Variants in LINGO2 observed in about 807,000 individuals in gnomAD.
The protein encoded by LINGO2 is leucine-rich repeat and immunoglobulin-like domain-containing nogo receptor-interacting protein 2.
LINGO2 carries 14 observed loss-of-function variants against 30.6 expected under a neutral mutation model. The observed-to-expected ratio is 0.46, with a 90% CI of 0.30 to 0.72. LINGO2 has a LOEUF of 0.72. Among genes scored for constraint, LINGO2 ranks in the 30% least tolerant of loss-of-function variants. The probability of loss-of-function intolerance (pLI) is 0.07; values close to 1 mark genes in which losing one functional copy is unlikely to be tolerated. For missense variants in LINGO2, 729 were observed against 751.7 expected (o/e 0.97, Z 0.35); for synonymous variants, 317 against 288.5 (o/e 1.10, Z -1.00).
At chr9:28,330,172 A>G (rs1272849978) in intron 3 of LINGO2, among the ~76,000 whole-genome samples, 1 of 152,176 alleles carries the variant, frequency 6.6e-6, no homozygotes. Context: ...GTGAATACAC[A>G]GTGAGATGGT....
At chr9:28,555,434 A>G (rs918885986) in intron 1 of LINGO2, among the ~76,000 whole-genome samples, 2 of 151,470 alleles carry the variant, frequency 1.3e-5, no homozygotes, top group African/African-American at 2.4e-5. Context: ...ACACTCTCCC[A>G]AGACTAAACC....
chr9:28,601,872 G>C (rs1825491493), intron 1 of LINGO2, among the ~76,000 whole-genome samples: 1 of 151,964 alleles, frequency 6.6e-6, no homozygotes, highest in Non-Finnish European at 1.5e-5. Context: ...GTTATATAAA[G>C]CTAGTGAAAA....
chr9:28,928,373 T>C, the LINGO2 span, among the ~76,000 whole-genome samples: 1 of 152,224 alleles, frequency 6.6e-6, no homozygotes. Context: ...ATTTCATTTT[T>C]GGTCTAAAAG....
At chr9:28,825,188 C>A in the LINGO2 span, among the ~76,000 whole-genome samples, 1 of 151,998 alleles carries the variant, frequency 6.6e-6, no homozygotes, top group Non-Finnish European at 1.5e-5. Flanking sequence ...CTCGCCAATG[C>A]CTCCTAAGTT....
At chr9:28,422,396 G>A (rs1457054261) in intron 2 of LINGO2, among the ~76,000 whole-genome samples, 1 of 151,934 alleles carries the variant, frequency 6.6e-6, no homozygotes, top group Non-Finnish European at 1.5e-5. Flanking sequence ...ATGTGCAAAT[G>A]GCCAACAATC....
chr9:28,582,755 A>T (rs1449269901), intron 1 of LINGO2, among the ~76,000 whole-genome samples: 2 of 152,104 alleles, frequency 1.3e-5, no homozygotes, highest in African/African-American at 4.8e-5. Flanking sequence ...TCTCCTTTAC[A>T]GTCAATGAAA....
At chr9:28,504,931 A>G (rs1412837148) in intron 1 of LINGO2, among the ~76,000 whole-genome samples, 1 of 151,880 alleles carries the variant, frequency 6.6e-6, no homozygotes, top group African/African-American at 2.4e-5. Flanking sequence ...GTGTCAACAA[A>G]CAGGGAAAAT....
At chr9:28,056,815 A>G (rs59115891) in intron 4 of LINGO2, among the ~76,000 whole-genome samples, 162 of 152,284 alleles carry the variant, frequency 1.1e-3, no homozygotes, top group African/African-American at 3.8e-3. Flanking sequence ...TTTATAATGA[A>G]GTGTCATTGT....
At chr9:28,772,688 G>A in the LINGO2 span, among the ~76,000 whole-genome samples, 1 of 152,136 alleles carries the variant, frequency 6.6e-6, no homozygotes, top group Non-Finnish European at 1.5e-5. Context: ...TTGCTTAAGA[G>A]GGATAGGCTT....
At chr9:28,738,871 T>C in the LINGO2 span, among the ~76,000 whole-genome samples, 1 of 151,970 alleles carries the variant, frequency 6.6e-6, no homozygotes. Flanking sequence ...AAATCCATGG[T>C]TTAAAAAAAT....
chr9:28,868,161 T>C, the LINGO2 span, among the ~76,000 whole-genome samples: 2 of 152,102 alleles, frequency 1.3e-5, no homozygotes, highest in African/African-American at 4.8e-5. Context: ...TTACACTTAA[T>C]AAAGTCTCCT....
At chr9:29,031,168 G>C in the LINGO2 span, among the ~76,000 whole-genome samples, 1 of 152,160 alleles carries the variant, frequency 6.6e-6, no homozygotes, top group Non-Finnish European at 1.5e-5. Context: ...CACAGTAGCT[G>C]TGAAGAAAAT....
intron 3 of LINGO2, among the ~76,000 whole-genome samples, chr9:28,298,499 CAAA>C (rs113910404): frequency 7.1e-5 from 8 of 112,352 alleles, no homozygotes; most frequent in Non-Finnish European, 7.8e-5. Flanking sequence ...CTGTCTCTAC[CAAA>C]AAAAAAAAAA....
intron 4 of LINGO2, among the ~76,000 whole-genome samples, chr9:28,217,198 A>C (rs758935057): frequency 6.6e-6 from 1 of 151,214 alleles, no homozygotes; most frequent in Non-Finnish European, 1.5e-5. Flanking sequence ...GTGGTGTATT[A>C]TTTTTATGTA....
At chr9:28,432,033 A>G (rs1448008171) in intron 2 of LINGO2, among the ~76,000 whole-genome samples, 3 of 152,154 alleles carry the variant, frequency 2.0e-5, no homozygotes, top group Non-Finnish European at 2.9e-5. Context: ...CCAGATGAGC[A>G]TTTAATCAAA....
chr9:28,774,211 T>C, the LINGO2 span, among the ~76,000 whole-genome samples: 1 of 152,346 alleles, frequency 6.6e-6, no homozygotes, highest in Admixed American at 6.5e-5. Flanking sequence ...TTCAAGTTTC[T>C]ATTCTTATAA....
chr9:28,607,676 C>T (rs1446376362), intron 1 of LINGO2, among the ~76,000 whole-genome samples: 1 of 151,930 alleles, frequency 6.6e-6, no homozygotes, highest in African/African-American at 2.4e-5. Flanking sequence ...TACAGCTAAC[C>T]AATTCTAAAG....
At chr9:28,912,648 T>C in the LINGO2 span, among the ~76,000 whole-genome samples, 1 of 152,184 alleles carries the variant, frequency 6.6e-6, no homozygotes, top group African/African-American at 2.4e-5. Context: ...TCTCCTCACA[T>C]ATAGTCTTCA....
the LINGO2 span, among the ~76,000 whole-genome samples, chr9:28,978,529 G>A: frequency 2.0e-5 from 3 of 152,034 alleles, no homozygotes; most frequent in Non-Finnish European, 2.9e-5. Context: ...TCTAGAGATT[G>A]CTGACAGGAA....
Sources: allele counts gnomAD v4.1 joint callset (sites outside exome capture counted in the v4.1 genomes callset), GRCh38; gene constraint gnomAD v4.1.1; transcripts MANE v1.5; gene names NCBI Gene and HGNC (gene_info 2026-07-23, HGNC 2026-07-21).